Variants in LRRC4C observed in about 807,000 individuals in gnomAD.
The protein encoded by LRRC4C is leucine-rich repeat-containing protein 4C.
Under a neutral mutation model 33.6 loss-of-function variants are expected in LRRC4C, and 5 were observed. That is an observed-to-expected ratio of 0.15 (90% CI 0.08 to 0.31). The LOEUF (loss-of-function observed/expected upper bound fraction) is 0.31. Ranked by LOEUF, LRRC4C falls within the 10% of genes least tolerant of loss-of-function variation. The pLI is 1.00. For missense variants in LRRC4C, 560 were observed against 796.7 expected, an observed-to-expected ratio of 0.70 and a Z score of 3.58; for synonymous variants, 329 against 302.0, an observed-to-expected ratio of 1.09 and a Z score of -0.93.
At chr11:40,860,802 T>C (rs1317587913) in intron 2 of LRRC4C, among the ~76,000 whole-genome samples, 2 of 142,248 alleles carry the variant, frequency 1.4e-5, no homozygotes, top group South Asian at 2.3e-4. Context: ...TTTTTTTTTT[T>C]TTTTTTTTTT....
intron 1 of LRRC4C, among the ~76,000 whole-genome samples, chr11:41,277,137 A>G (rs1436998532): frequency 6.6e-6 from 1 of 152,196 alleles, no homozygotes; most frequent in East Asian, 1.9e-4. Context: ...AGTTATAAAT[A>G]TTTGTTGAAT....
rs557426152 is a variant in LRRC4C, at chr11:40,728,450, GA to G, written c.-406-80173del. Among the ~76,000 whole-genome samples, 132 of 139,846 alleles carry G rather than the reference GA, an allele frequency of 9.4e-4. No homozygotes were observed. The Middle Eastern group carries it at 0.011, about 12-fold the overall frequency. The allele number at this position is 139,846 out of a possible 152,430, so 91.7% of individuals were successfully genotyped here. A position where few individuals can be genotyped will look rare whatever the true frequency, so the allele number is the denominator to read the frequency against. On this transcript the variant is annotated intron_variant, in intron 2 of 6. Coordinates refer to ENST00000528697, the MANE Select transcript of LRRC4C (RefSeq NM_001258419.2). The stretch of plus-strand genomic sequence containing the variant: ...GAAACCCCGTTCTCTACTAAAAAAA[GA>G]AAAAAAAAAAACTAAAAACAAAAAG...
intron 3 of LRRC4C, among the ~76,000 whole-genome samples, chr11:40,412,365 T>G (rs1950184506): frequency 6.6e-6 from 1 of 152,076 alleles, no homozygotes; most frequent in African/African-American, 2.4e-5. Flanking sequence ...ACTGTCTCCC[T>G]TAGTGAGTTT....
chr11:40,773,614 T>TA (rs1025405540), intron 2 of LRRC4C, among the ~76,000 whole-genome samples: 2 of 151,976 alleles, frequency 1.3e-5, no homozygotes, highest in Admixed American at 1.3e-4. Context: ...ATGAAGAAAT[T>TA]AAAAAACATT....
intron 3 of LRRC4C, among the ~76,000 whole-genome samples, chr11:40,397,723 T>G (rs1316872820): frequency 6.6e-6 from 1 of 151,962 alleles, no homozygotes; most frequent in Non-Finnish European, 1.5e-5. Context: ...CTGCTAGCAG[T>G]AGGCTGAAAA....
intron 1 of LRRC4C, among the ~76,000 whole-genome samples, chr11:41,250,926 A>C (rs1948618215): frequency 6.6e-6 from 1 of 152,198 alleles, no homozygotes; most frequent in Admixed American, 6.5e-5. Context: ...GCAAATTTTA[A>C]AAAATATTTT....
chr11:40,944,284 T>A (rs1402935504), intron 1 of LRRC4C, among the ~76,000 whole-genome samples: 1 of 152,208 alleles, frequency 6.6e-6, no homozygotes, highest in African/African-American at 2.4e-5. Context: ...ACCACATATC[T>A]TGAGGATACG....
intron 3 of LRRC4C, among the ~76,000 whole-genome samples, chr11:40,540,056 G>T (rs1171214830): frequency 6.6e-6 from 1 of 152,086 alleles, no homozygotes; most frequent in Admixed American, 6.6e-5. Context: ...TTCAAAGTTG[G>T]AAAAAGTTTT....
chr11:40,330,730 G>A (rs1205946472), intron 3 of LRRC4C, among the ~76,000 whole-genome samples: 1 of 152,030 alleles, frequency 6.6e-6, no homozygotes, highest in Non-Finnish European at 1.5e-5. Context: ...GAACAACATG[G>A]AAATAACCAA....
chr11:41,346,203 T>C (rs1291084303), intron 1 of LRRC4C, among the ~76,000 whole-genome samples: 1 of 152,190 alleles, frequency 6.6e-6, no homozygotes, highest in Non-Finnish European at 1.5e-5. Flanking sequence ...AATCGCAGTG[T>C]CAGTCGTTAA....
chr11:40,824,616 A>G (rs1364160721), intron 2 of LRRC4C, among the ~76,000 whole-genome samples: 2 of 151,956 alleles, frequency 1.3e-5, no homozygotes, highest in Admixed American at 6.6e-5. Context: ...CATGAACGTT[A>G]CAGACATTAT....
chr11:40,736,483 T>C (rs1947873847), intron 2 of LRRC4C, among the ~76,000 whole-genome samples: 1 of 152,134 alleles, frequency 6.6e-6, no homozygotes, highest in Non-Finnish European at 1.5e-5. Flanking sequence ...TACGTGTGCA[T>C]GTGTTTTTGC....
At chr11:41,082,818 T>C (rs534766015) in intron 1 of LRRC4C, among the ~76,000 whole-genome samples, 3 of 152,302 alleles carry the variant, frequency 2.0e-5, no homozygotes, top group Admixed American at 1.3e-4. Context: ...TGTTTATTTC[T>C]TCCATCCCCT....
intron 2 of LRRC4C, among the ~76,000 whole-genome samples, chr11:40,685,395 A>G: frequency 6.6e-6 from 1 of 152,068 alleles, no homozygotes; most frequent in Non-Finnish European, 1.5e-5. Context: ...ATGGATAAGT[A>G]AAATATATAA....
intron 3 of LRRC4C, among the ~76,000 whole-genome samples, chr11:40,511,825 G>C (rs949278111): frequency 5.9e-5 from 9 of 152,156 alleles, no homozygotes; most frequent in Non-Finnish European, 1.3e-4. Flanking sequence ...TTTGAAGGGG[G>C]CTGAGGCCTT....
chr11:40,648,602 A>G (rs1348882081), intron 2 of LRRC4C, among the ~76,000 whole-genome samples: 1 of 152,214 alleles, frequency 6.6e-6, no homozygotes, highest in South Asian at 2.1e-4. Context: ...TTCATGAGGT[A>G]AGAAGGTGGA....
Position 40,586,016 on chromosome 11 carries a change from T to C in LRRC4C, c.-270+62126A>G, listed in dbSNP as rs545721686. Among the ~76,000 whole-genome samples the C allele has an allele frequency of 2.3e-3, 311 of 134,778 alleles. 24 individuals carry two copies. Among genetic ancestry groups the C allele is most frequent in the Non-Finnish European group, 3.0e-3 (185 of 62,010 alleles). 88.4% of individuals were successfully genotyped at this position (134,778 alleles called of 152,430 possible). On this transcript the variant is annotated intron_variant, in intron 3 of 6. Coordinates refer to ENST00000528697, the MANE Select transcript of LRRC4C (RefSeq NM_001258419.2). ...AATGGGATGGCTGGCTCAAATGGTA[T>C]TTCTAGTTCTAGATCCTTGAGGAAT...
intron 1 of LRRC4C, among the ~76,000 whole-genome samples, chr11:40,959,681 T>G (rs1254219804): frequency 6.6e-6 from 1 of 151,760 alleles, no homozygotes; most frequent in African/African-American, 2.4e-5. Context: ...ATTTTTAAAT[T>G]TATTCCTGAG....
chr11:40,453,102 AG>A (rs1951967247), intron 3 of LRRC4C, among the ~76,000 whole-genome samples: 3 of 152,158 alleles, frequency 2.0e-5, no homozygotes, highest in Admixed American at 2.0e-4. Context: ...TAATGGGTGC[AG>A]CGCACCAGCA....
Sources: allele counts gnomAD v4.1 joint callset (sites outside exome capture counted in the v4.1 genomes callset), GRCh38; gene constraint gnomAD v4.1.1; transcripts MANE v1.5; gene names NCBI Gene and HGNC (gene_info 2026-07-23, HGNC 2026-07-21).